The following LIPC variants were observed in gnomAD, a reference collection of about 807,000 sequenced individuals.
LIPC encodes the protein lipase C, hepatic type, also known as hepatic triacylglycerol lipase.
LIPC carries 44 observed loss-of-function variants against 50.7 expected under a neutral mutation model. That is an observed-to-expected ratio of 0.87 (90% confidence interval 0.68 to 1.11). The LOEUF is 1.11. LIPC is among the 50% of genes most tolerant of loss of function. The pLI is 0.00. For missense variants in LIPC, 697 were observed against 648.2 expected (o/e 1.08, Z -0.82); for synonymous variants, 271 against 256.4 (o/e 1.06, Z -0.54).
intron 1 of LIPC, among the ~76,000 whole-genome samples, chr15:58,515,577 A>G (rs1032277896): frequency 2.0e-5 from 3 of 149,062 alleles, no homozygotes; most frequent in Non-Finnish European, 4.4e-5. Context: ...CAAAACCCAT[A>G]CTTTAAAAAA....
intron 2 of LIPC, 171 bp from the exon 3 acceptor site, chr15:58,541,614 C>T (rs1182681968): frequency 2.8e-6 from 2 of 706,282 alleles, no homozygotes; most frequent in African/African-American, 1.8e-5. Context: ...TCGTACAATG[C>T]CCAAGACAGC....
intron 1 of LIPC, among the ~76,000 whole-genome samples, chr15:58,437,768 T>C (rs1893355957): frequency 6.6e-6 from 1 of 152,204 alleles, no homozygotes; most frequent in African/African-American, 2.4e-5. Flanking sequence ...AGTCCGGAGA[T>C]GAAACTCATT....
chr15:58,471,107 G>A (rs555617567), intron 1 of LIPC, among the ~76,000 whole-genome samples: 1 of 149,936 alleles, frequency 6.7e-6, no homozygotes, highest in African/African-American at 2.5e-5. Context: ...GCCAGAGATG[G>A]TAAGTAGGAT....
chr15:58,547,789 C>A lies in LIPC; in HGVS notation c.809-541C>A, dbSNP rs113031431. ...TGTTACCTAAGGGATGCAATGGCTG[C>A]TTTGGGACACAAGGTAGACATTGTC... On this transcript the variant is annotated intron_variant, in intron 5 of 8. Transcript: ENST00000299022. 4.1e-3 allele frequency among the ~76,000 whole-genome samples: 622 copies of A among 152,144 alleles called. 5 individuals are homozygous for A. The highest frequency in any genetic ancestry group is 0.015 in the African/African-American group (604 of 41,496).
At chr15:58,488,566 A>G (rs1891457157) in intron 1 of LIPC, among the ~76,000 whole-genome samples, 1 of 152,202 alleles carries the variant, frequency 6.6e-6, no homozygotes, top group African/African-American at 2.4e-5. Flanking sequence ...TTTCTTTCCT[A>G]TATGAACCTG....
chr15:58,564,382 G>A lies in LIPC; in HGVS notation c.1388+659G>A, dbSNP rs191904630. ...TGCTGTGTTTGATTTAACATCTCCC[G>A]TGGCCCCAAAGTCTCCAGGGATACG... On this transcript the variant is annotated intron_variant, in intron 8 of 8. Coordinates refer to ENST00000299022, the MANE Select transcript of LIPC (RefSeq NM_000236.3). 9.2e-5 allele frequency among the ~76,000 whole-genome samples: 14 copies of A among 152,068 alleles called. No homozygotes were observed. The East Asian group carries it at 1.6e-3, about 17-fold the overall frequency.
At chr15:58,563,124 G>A (rs1302646462) in intron 7 of LIPC, among the ~76,000 whole-genome samples, 1 of 152,144 alleles carries the variant, frequency 6.6e-6, no homozygotes, top group African/African-American at 2.4e-5. Flanking sequence ...AGTGCATGCT[G>A]CAGGCATACT....
intron 1 of LIPC, among the ~76,000 whole-genome samples, chr15:58,433,328 C>T (rs1462480931): frequency 2.0e-5 from 3 of 152,166 alleles, no homozygotes; most frequent in Non-Finnish European, 2.9e-5. Context: ...TAGAAAAGGG[C>T]CTCTATCATA....
At chr15:58,457,148 T>G (rs1298235060) in intron 1 of LIPC, among the ~76,000 whole-genome samples, 3 of 152,204 alleles carry the variant, frequency 2.0e-5, no homozygotes. Flanking sequence ...TCACTCTTGT[T>G]GCCCAGAATG....
At chr15:58,535,399 CAT>C (rs1359305167) in intron 1 of LIPC, among the ~76,000 whole-genome samples, 2 of 152,192 alleles carry the variant, frequency 1.3e-5, no homozygotes, top group Non-Finnish European at 2.9e-5. Context: ...CGCTCATACA[CAT>C]GTTAAAGAGA....
intron 1 of LIPC, among the ~76,000 whole-genome samples, chr15:58,485,479 C>T (rs1214034935): frequency 1.3e-5 from 2 of 152,158 alleles, no homozygotes; most frequent in African/African-American, 4.8e-5. Flanking sequence ...ACTCCCCTGG[C>T]TCTCAGGCTG....
At chr15:58,493,521 A>G (rs1389136186) in intron 1 of LIPC, among the ~76,000 whole-genome samples, 2 of 150,658 alleles carry the variant, frequency 1.3e-5, no homozygotes, top group Non-Finnish European at 3.0e-5. Context: ...ACCTAGAAAA[A>G]AAGTATGTAT....
intron 1 of LIPC, among the ~76,000 whole-genome samples, chr15:58,524,820 T>C (rs1892754559): frequency 6.6e-6 from 1 of 152,218 alleles, no homozygotes; most frequent in African/African-American, 2.4e-5. Flanking sequence ...TATTCGCCCT[T>C]TGTGTTATGA....
intron 1 of LIPC, among the ~76,000 whole-genome samples, chr15:58,531,249 A>G (rs1303418512): frequency 6.6e-6 from 1 of 152,168 alleles, no homozygotes; most frequent in Non-Finnish European, 1.5e-5. Context: ...TTTCTTGTAC[A>G]CATGTGCCCT....
chr15:58,509,356 T>C (rs1892262355), intron 1 of LIPC, among the ~76,000 whole-genome samples: 1 of 152,124 alleles, frequency 6.6e-6, no homozygotes, highest in South Asian at 2.1e-4. Flanking sequence ...CATAGAATGG[T>C]TGGAAAAGCA....
chr15:58,490,230 G>T (rs376697028), intron 1 of LIPC, among the ~76,000 whole-genome samples: 5 of 152,120 alleles, frequency 3.3e-5, no homozygotes, highest in African/African-American at 9.7e-5. Flanking sequence ...CAGGCACAGG[G>T]TATCAGGCCA....
chr15:58,473,586 C>A (rs996789287), intron 1 of LIPC: 3 of 152,274 alleles, frequency 2.0e-5, no homozygotes, highest in Non-Finnish European at 4.4e-5. Context: ...CAGTTAATAT[C>A]TTTCTGGCAT....
At chr15:58,566,750 C>T (rs1475295523) in intron 8 of LIPC, among the ~76,000 whole-genome samples, 1 of 152,066 alleles carries the variant, frequency 6.6e-6, no homozygotes, top group Non-Finnish European at 1.5e-5. Context: ...ACTGGCTAAA[C>T]CTAATGAGAA....
chr15:58,564,166 C>CTCTCTT (rs1393410651), intron 8 of LIPC, among the ~76,000 whole-genome samples: 1 of 151,672 alleles, frequency 6.6e-6, no homozygotes, highest in Non-Finnish European at 1.5e-5. Context: ...CTCTCTCTCT[C>CTCTCTT]TCTCTCTCTG....
Sources: gnomAD v4.1 joint callset for allele counts (sites outside exome capture counted in the v4.1 genomes callset) on GRCh38, gnomAD v4.1.1 for gene constraint, MANE v1.5 for transcripts, NCBI Gene and HGNC (gene_info 2026-07-23, HGNC 2026-07-21) for gene names.